VPS35L: variants seen among roughly 807,000 people sequenced by gnomAD.
The protein encoded by VPS35L is VPS35 endosomal protein-sorting factor-like.
A neutral mutation model predicts 133.0 loss-of-function variants in VPS35L; 83 were observed. That is an observed-to-expected ratio of 0.62 (90% CI 0.52 to 0.75). The LOEUF (loss-of-function observed/expected upper bound fraction) is 0.75, where lower values mean the gene tolerates loss of function less well. VPS35L is among the 30% of genes least tolerant of loss of function. VPS35L has a pLI of 0.00. For synonymous variants in VPS35L, 423 were observed against 449.9 expected (o/e 0.94, Z 0.76); for missense variants, 1,083 against 1,206.8 (o/e 0.90, Z 1.52).
At chr16:19,696,465 C>G (rs767262614) in intron 29 of VPS35L, among the ~76,000 whole-genome samples, 91 of 152,198 alleles carry the variant, frequency 6.0e-4, no homozygotes, top group Non-Finnish European at 7.9e-4. Context: ...ATTTTAATCA[C>G]AAGCTGTATT....
At chr16:19,569,201 A>G in intron 2 of VPS35L, 1 of 697,368 alleles carries the variant, frequency 1.4e-6, no homozygotes, top group Non-Finnish European at 2.6e-6. Flanking sequence ...TAATTTTTTT[A>G]ACACTTCCTA....
chr16:19,631,142 TC>T, intron 18 of VPS35L, among the ~76,000 whole-genome samples: 1 of 152,248 alleles, frequency 6.6e-6, no homozygotes, highest in East Asian at 1.9e-4. Flanking sequence ...ATCTTGGACT[TC>T]CCAGCCTCCA....
chr16:19,689,754 T>C (rs925902536), intron 28 of VPS35L, among the ~76,000 whole-genome samples: 9 of 152,190 alleles, frequency 5.9e-5, no homozygotes, highest in African/African-American at 2.2e-4. Flanking sequence ...TCCACACTGA[T>C]GCGACACTAC....
In VPS35L at chr16:19,555,881, C is replaced by G. The variant is rs950129189; in HGVS notation, c.17+135C>G. 3 of 1,284,104 alleles carry G rather than the reference C, an allele frequency of 2.3e-6. No individual in the cohort carries two copies. In the African/African-American group the frequency reaches 4.5e-5, roughly 19 times the overall value. 79.5% of individuals were successfully genotyped at this position (1,284,104 alleles called of 1,614,324 possible). ...CCGGCCACCCCCAAGTTGTCTTGAC[C>G]GTAGAATCCCTGGCCGCTACCGCGG... On this transcript the variant is annotated intron_variant, in intron 1 of 30. Coordinates refer to ENST00000417362, the MANE Select transcript of VPS35L (RefSeq NM_020314.7).
chr16:19,561,931 C>G (rs562799544), intron 1 of VPS35L, among the ~76,000 whole-genome samples: 2 of 151,998 alleles, frequency 1.3e-5, no homozygotes, highest in South Asian at 4.2e-4. Flanking sequence ...CATGGTGAAA[C>G]CCCGTTTCTA....
At chr16:19,653,310 C>T (rs1421523795) in intron 26 of VPS35L, among the ~76,000 whole-genome samples, 1 of 152,194 alleles carries the variant, frequency 6.6e-6, no homozygotes, top group Non-Finnish European at 1.5e-5. Flanking sequence ...GGTACCCACC[C>T]TGCAGGCCGT....
chr16:19,691,169 C>G (rs1423986152), intron 28 of VPS35L, among the ~76,000 whole-genome samples, 184 bp from the exon 29 acceptor site: 1 of 152,148 alleles, frequency 6.6e-6, no homozygotes, highest in Non-Finnish European at 1.5e-5. Flanking sequence ...GTCCTGCAGG[C>G]TGGGTGTTTT....
chr16:19,633,156 A>T lies in VPS35L; in HGVS notation c.1619A>T (p.Glu540Val), dbSNP rs770690088. 6.2e-7 allele frequency: 1 copy of T among 1,614,114 alleles called. No individual in the cohort carries two copies. The highest frequency in any genetic ancestry group is 1.3e-5 in the African/African-American group (1 of 75,040). The change falls in exon 19 of 31, where the codon GAA (glutamate) becomes GTA (valine). Residue 540 changes from glutamate (E) to valine (V), a missense_variant. Coordinates refer to ENST00000417362, the MANE Select transcript of VPS35L (RefSeq NM_020314.7). The surrounding 1 kb of genome is among the most constrained non-coding windows in gnomAD (Gnocchi z 4.1). ...CACATGACTCCAGATCGTGCATTTG[A>T]AGATTCCTACCCCCAGGTAACAGAT... ...IKHMTPDRAF[E>V]DSYPQLQLII...
intron 1 of VPS35L, among the ~76,000 whole-genome samples, chr16:19,556,590 G>A (rs761718053): frequency 2.0e-5 from 3 of 152,230 alleles, no homozygotes; most frequent in Non-Finnish European, 2.9e-5. Flanking sequence ...CTGCATCTCA[G>A]AAAGCGAGAT....
intron 10 of VPS35L, 164 bp from the exon 11 acceptor site, chr16:19,608,810 C>A: frequency 1.7e-6 from 1 of 581,012 alleles, no homozygotes; most frequent in South Asian, 2.4e-5. Flanking sequence ...CTTTGAAAAC[C>A]ATATGTAGAA....
intron 27 of VPS35L, among the ~76,000 whole-genome samples, chr16:19,674,173 T>G (rs924958637): frequency 7.4e-6 from 1 of 135,384 alleles, no homozygotes; most frequent in African/African-American, 3.1e-5. Context: ...TGGTTCAGTT[T>G]TTTTCTTTTT....
At chr16:19,657,005 G>A (rs1048545743) in intron 26 of VPS35L, among the ~76,000 whole-genome samples, 10 of 133,202 alleles carry the variant, frequency 7.5e-5, no homozygotes, top group Admixed American at 1.8e-4. Context: ...CTGCTCCGTC[G>A]TCCAGGCTGG....
intron 12 of VPS35L, 72 bp downstream of exon 12, chr16:19,610,487 T>G: frequency 2.8e-5 from 32 of 1,155,604 alleles, no homozygotes; most frequent in Non-Finnish European, 3.7e-5. Context: ...CACAGGGCCC[T>G]CCTTCCCCAC....
At chr16:19,644,318 C>G (rs1443686713) in intron 22 of VPS35L, among the ~76,000 whole-genome samples, 1 of 152,116 alleles carries the variant, frequency 6.6e-6, no homozygotes, top group East Asian at 1.9e-4. Context: ...ATGTGTAAAA[C>G]AAGTAAAATG....
At chr16:19,588,022 A>G (rs1245736741) in intron 7 of VPS35L, among the ~76,000 whole-genome samples, 2 of 149,016 alleles carry the variant, frequency 1.3e-5, no homozygotes, top group African/African-American at 5.0e-5. Flanking sequence ...GTGGTCTCGA[A>G]CTCCTGACCT....
intron 28 of VPS35L, among the ~76,000 whole-genome samples, chr16:19,689,850 A>T (rs1460534797): frequency 6.6e-6 from 1 of 152,162 alleles, no homozygotes; most frequent in Non-Finnish European, 1.5e-5. Context: ...GGGTCTTGGA[A>T]CGTATCCCCC....
chr16:19,559,988 C>T (rs1567379200), intron 1 of VPS35L, among the ~76,000 whole-genome samples: 1 of 152,194 alleles, frequency 6.6e-6, no homozygotes, highest in Non-Finnish European at 1.5e-5. Flanking sequence ...CAGGCGTGAG[C>T]CACTGCGCCC....
chr16:19,642,690 A>G (rs1011394047), intron 22 of VPS35L, among the ~76,000 whole-genome samples: 1 of 152,212 alleles, frequency 6.6e-6, no homozygotes, highest in African/African-American at 2.4e-5. Flanking sequence ...GTTGTTAGAA[A>G]GGAGTTTATG....
intron 28 of VPS35L, among the ~76,000 whole-genome samples, chr16:19,687,501 C>T (rs1388799430): frequency 2.0e-5 from 3 of 152,168 alleles, no homozygotes; most frequent in Non-Finnish European, 4.4e-5. Flanking sequence ...GAGATTGACT[C>T]CTGCGGCCCA....
Sources: gnomAD v4.1 joint callset for allele counts (sites outside exome capture counted in the v4.1 genomes callset) on GRCh38, gnomAD v4.1.1 for gene constraint, Gnocchi (gnomAD v3.1) non-coding constraint, MANE v1.5 for transcripts, NCBI Gene and HGNC (gene_info 2026-07-23, HGNC 2026-07-21) for gene names.